Variants in MASP1 observed in about 807,000 individuals in gnomAD.
MASP1 encodes mannan-binding lectin serine protease 1.
Under a neutral mutation model 77.1 loss-of-function variants are expected in MASP1, and 59 were observed. The observed-to-expected ratio is 0.77, with a 90% CI of 0.62 to 0.95. The LOEUF is 0.95. Ranked by LOEUF, MASP1 falls within the 40% of genes least tolerant of loss-of-function variation. MASP1 has a pLI of 0.00. For synonymous variants in MASP1, 362 were observed against 354.5 expected, an observed-to-expected ratio of 1.02 and a Z score of -0.24; for missense variants, 885 against 912.9, an observed-to-expected ratio of 0.97 and a Z score of 0.39.
chr3:187,289,000 A>G (rs1220014818), intron 1 of MASP1, among the ~76,000 whole-genome samples: 1 of 152,142 alleles, frequency 6.6e-6, no homozygotes, highest in East Asian at 1.9e-4. Flanking sequence ...TAAATTGAAG[A>G]ATATAAGTGG....
intron 1 of MASP1, among the ~76,000 whole-genome samples, chr3:187,289,153 T>C (rs1469053694): frequency 6.7e-6 from 1 of 148,824 alleles, no homozygotes; most frequent in Non-Finnish European, 1.5e-5. Flanking sequence ...AAAAGTAATA[T>C]ATAGAGCTGA....
At chr3:187,229,955 T>G (rs1712671878), downstream of MASP1, 7 of 1,600,116 alleles carry the variant, frequency 4.4e-6, no homozygotes, top group East Asian at 2.2e-5. Flanking sequence ...TCTTGCCCAC[T>G]GCCAGAGCTC....
rs189657179 is a variant in MASP1 at position 187,251,149 on chromosome 3, A to G, written c.1011+485T>C. ...ATTTTTTGTATTATTTAGTAGAGAT[A>G]GGGTTTTGCCATATTTGCCAGGCTG... On this transcript the variant is annotated intron_variant, in intron 7 of 10. Transcript: ENST00000296280. 8.5e-5 allele frequency among the ~76,000 whole-genome samples: 13 copies of G among 152,212 alleles called. No individual in the cohort carries two copies. In the Middle Eastern group the frequency reaches 0.01, roughly 119 times the overall value.
intron 8 of MASP1, among the ~76,000 whole-genome samples, chr3:187,245,932 C>T (rs57261642): frequency 0.011 from 1,720 of 152,294 alleles, 34 homozygotes; most frequent in African/African-American, 0.04. Context: ...TTCTAGAGAA[C>T]GATGTGCAAT....
At chr3:187,240,785 C>T (rs918281344) in intron 10 of MASP1, among the ~76,000 whole-genome samples, 4 of 152,156 alleles carry the variant, frequency 2.6e-5, no homozygotes, top group Non-Finnish European at 4.4e-5. Flanking sequence ...ATGCACACCA[C>T]CACGACTGGC....
chr3:187,290,817 T>C (rs1293301443), intron 1 of MASP1, among the ~76,000 whole-genome samples: 8 of 151,660 alleles, frequency 5.3e-5, no homozygotes, highest in Non-Finnish European at 1.5e-5. Flanking sequence ...CATTAACACT[T>C]AACTAATAAA....
At chr3:187,286,774 C>G (rs138624624) in intron 1 of MASP1, among the ~76,000 whole-genome samples, 1 of 152,332 alleles carries the variant, frequency 6.6e-6, no homozygotes, top group Non-Finnish European at 1.5e-5. Flanking sequence ...CTCACCACAC[C>G]AGGCTTCTGT....
intron 2 of MASP1, among the ~76,000 whole-genome samples, chr3:187,275,389 T>C (rs1315853685): frequency 1.3e-5 from 2 of 152,124 alleles, no homozygotes; most frequent in African/African-American, 2.4e-5. Context: ...GCTAAACTTA[T>C]ATCCTCAAAT....
In MASP1 at chr3:187,241,498, A is replaced by G; in HGVS notation, c.1286T>C (p.Leu429Pro). Residue 429 changes from leucine (L) to proline (P), a missense_variant, in exon 10 of 11, where the codon CTA becomes CCA. By Grantham distance (98) the Leu-to-Pro change is moderately conservative. Transcript: ENST00000296280. ...TGAGGTACCTGGAAGGCAGGTGGGTAGGCTTCTCCCCAATACTTTATTCAT... is the reference window on the plus strand; with the variant it reads ...TGAGGTACCTGGAAGGCAGGTGGGTGGGCTTCTCCCCAATACTTTATTCAT... ...VWMNKVLGRS[L>P]PTCLPECGQP... 1 of 1,613,828 alleles carries G rather than the reference A, an allele frequency of 6.2e-7. No homozygotes were observed.
At chr3:187,286,803 T>C (rs1178164331) in intron 1 of MASP1, among the ~76,000 whole-genome samples, 3 of 152,244 alleles carry the variant, frequency 2.0e-5, no homozygotes, top group Non-Finnish European at 4.4e-5. Flanking sequence ...CCGATTCCCC[T>C]GTGAGGTCCA....
chr3:187,244,647 G>T (rs1377485006), intron 8 of MASP1: 1 of 152,218 alleles, frequency 6.6e-6, no homozygotes, highest in Non-Finnish European at 1.5e-5. Flanking sequence ...CATACAGCAA[G>T]TTACTATCAG....
exon 16 of MASP1, chr3:187,220,009 G>A (rs1253607606): frequency 3.8e-6 from 6 of 1,564,636 alleles, no homozygotes; most frequent in South Asian, 1.1e-5. Context: ...TGCTTTCATC[G>A]GAGGATCGTC....
chr3:187,281,120 G>A (rs1211942488), intron 2 of MASP1, among the ~76,000 whole-genome samples: 7 of 152,204 alleles, frequency 4.6e-5, no homozygotes, highest in East Asian at 3.8e-4. Flanking sequence ...TGCCTCATCC[G>A]TACACTACAG....
At chr3:187,269,606 C>T (rs1200288783) in intron 2 of MASP1, among the ~76,000 whole-genome samples, 1 of 152,202 alleles carries the variant, frequency 6.6e-6, no homozygotes, top group Non-Finnish European at 1.5e-5. Context: ...CACTCTCACC[C>T]CTCCAAGGAA....
At chr3:187,290,604 A>T (rs551903734) in intron 1 of MASP1, among the ~76,000 whole-genome samples, 1 of 152,348 alleles carries the variant, frequency 6.6e-6, no homozygotes, top group African/African-American at 2.4e-5. Context: ...AACCACAGGT[A>T]ATCGGAGTTC....
At chr3:187,239,028 C>T (rs1233740443) in intron 10 of MASP1, among the ~76,000 whole-genome samples, 1 of 152,026 alleles carries the variant, frequency 6.6e-6, no homozygotes, top group Non-Finnish European at 1.5e-5. Flanking sequence ...TTTGTACAAA[C>T]ATAGAGGATG....
chr3:187,275,197 T>C (rs2108590547), intron 2 of MASP1, among the ~76,000 whole-genome samples: 1 of 152,314 alleles, frequency 6.6e-6, no homozygotes, highest in South Asian at 2.1e-4. Context: ...TGCTGTGTTC[T>C]TCTGCGGCAG....
intron 11 of MASP1, among the ~76,000 whole-genome samples, chr3:187,227,931 C>T (rs1310396102): frequency 6.6e-6 from 1 of 152,168 alleles, no homozygotes; most frequent in Non-Finnish European, 1.5e-5. Flanking sequence ...TGGCTGCTTT[C>T]CTGTTTCTTC....
chr3:187,290,368 G>T (rs7640944), intron 1 of MASP1, among the ~76,000 whole-genome samples: 159 of 152,318 alleles, frequency 1.0e-3, no homozygotes, highest in African/African-American at 3.4e-3. Context: ...ATACAGAATT[G>T]TTACTCAGCC....
Sources: allele counts gnomAD v4.1 joint callset (sites outside exome capture counted in the v4.1 genomes callset), GRCh38; gene constraint gnomAD v4.1.1; transcripts MANE v1.5; gene names NCBI Gene and HGNC (gene_info 2026-07-23, HGNC 2026-07-21).